Variants in BNC2 observed in about 807,000 individuals in gnomAD.
The protein encoded by BNC2 is zinc finger protein basonuclin-2.
A neutral mutation model predicts 76.3 loss-of-function variants in BNC2; 20 were observed. The observed-to-expected ratio is 0.26, with a 90% CI of 0.18 to 0.38. BNC2 has a LOEUF of 0.38. Among genes scored for constraint, BNC2 ranks in the 10% least tolerant of loss-of-function variants. The pLI is 1.00. For synonymous variants in BNC2, 582 were observed against 514.8 expected (o/e 1.13, Z -1.77); for missense variants, 1,382 against 1,399.8 (o/e 0.99, Z 0.20).
chr9:16,433,877 A>AT (rs1331228888), intron 6 of BNC2, among the ~76,000 whole-genome samples: 1 of 152,164 alleles, frequency 6.6e-6, no homozygotes, highest in Non-Finnish European at 1.5e-5. Flanking sequence ...TGAGTCTTTT[A>AT]TTTTTGTTTA....
At chr9:16,557,431 G>A (rs1197198230) in intron 4 of BNC2, among the ~76,000 whole-genome samples, 4 of 151,900 alleles carry the variant, frequency 2.6e-5, no homozygotes, top group South Asian at 2.1e-4. Context: ...CCCAGGAGGC[G>A]AAGGTTGCAG....
At chr9:16,844,559 G>A (rs1475728369) in intron 1 of BNC2, among the ~76,000 whole-genome samples, 4 of 146,280 alleles carry the variant, frequency 2.7e-5, no homozygotes, top group South Asian at 2.2e-4. Context: ...GTGCAGTGGC[G>A]AGATCTCGGC....
At chr9:16,733,472 T>TA (rs1824573050) in intron 2 of BNC2, among the ~76,000 whole-genome samples, 1 of 151,958 alleles carries the variant, frequency 6.6e-6, no homozygotes, top group Admixed American at 6.6e-5. Context: ...AATTATATCA[T>TA]AATTTAAGCT....
rs754026235 is a variant in BNC2 at position 16,436,254 on chromosome 9, A to G, written c.1940T>C (p.Ile647Thr). The change falls in exon 6 of 7, where the codon ATT becomes ACT. Residue 647 changes from isoleucine (I) to threonine (T), a missense_variant. Coordinates refer to ENST00000380672, the MANE Select transcript of BNC2 (RefSeq NM_017637.6). The part of the protein sequence containing the change: ...SMPVKIEKEI[I>T]DTADEFDDED... Reference sequence around the variant, plus strand: ...ATCATCAAACTCATCGGCGGTATCAATAATTTCCTTCTCAATCTTCACAGG... The same window carrying G: ...ATCATCAAACTCATCGGCGGTATCAGTAATTTCCTTCTCAATCTTCACAGG... 2.1e-5 allele frequency: 34 copies of G among 1,614,038 alleles called. No homozygotes were observed. Among genetic ancestry groups the G allele is most frequent in the Non-Finnish European group, 2.6e-5 (31 of 1,180,038 alleles).
intron 1 of BNC2, among the ~76,000 whole-genome samples, chr9:16,862,377 TTA>T (rs1819432125): frequency 2.0e-5 from 3 of 152,226 alleles, no homozygotes; most frequent in African/African-American, 7.2e-5. Flanking sequence ...ACTGCTATGA[TTA>T]TATAGTGTTA....
intron 1 of BNC2, among the ~76,000 whole-genome samples, chr9:16,861,523 T>C (rs1392173179): frequency 6.6e-6 from 1 of 152,022 alleles, no homozygotes. Flanking sequence ...GAGACATGTC[T>C]CTGTTTTCCA....
chr9:16,665,354 G>A (rs1563887683), intron 3 of BNC2, among the ~76,000 whole-genome samples: 1 of 114,934 alleles, frequency 8.7e-6, no homozygotes, highest in Non-Finnish European at 1.7e-5. Flanking sequence ...TGGGCAATAA[G>A]AGTGAACCTC....
chr9:16,719,967 T>C (rs1033117436), intron 3 of BNC2, among the ~76,000 whole-genome samples: 1 of 152,158 alleles, frequency 6.6e-6, no homozygotes, highest in Admixed American at 6.6e-5. Context: ...AGTCCAAGAA[T>C]TAGGTTTTTA....
At chr9:16,747,400 G>A (rs554472311) in intron 1 of BNC2, among the ~76,000 whole-genome samples, 1 of 152,170 alleles carries the variant, frequency 6.6e-6, no homozygotes, top group Non-Finnish European at 1.5e-5. Context: ...AATCATTCTG[G>A]AAGGGCACAG....
intron 1 of BNC2, among the ~76,000 whole-genome samples, chr9:16,858,189 CCTTTT>C (rs961934724): frequency 2.1e-4 from 32 of 152,216 alleles, no homozygotes; most frequent in Admixed American, 1.9e-3. Flanking sequence ...TTCCCCCTTT[CCTTTT>C]GAGGTATTTA....
At chr9:16,726,254 A>T (rs1037953418) in intron 3 of BNC2, among the ~76,000 whole-genome samples, 1 of 152,176 alleles carries the variant, frequency 6.6e-6, no homozygotes, top group Non-Finnish European at 1.5e-5. Flanking sequence ...AGAGTTACTT[A>T]TTGGGTTGAT....
At chr9:16,459,744 C>G (rs1158858708) in intron 5 of BNC2, among the ~76,000 whole-genome samples, 1 of 152,080 alleles carries the variant, frequency 6.6e-6, no homozygotes, top group Non-Finnish European at 1.5e-5. Context: ...CAATTAATCA[C>G]AAGTTAGTCT....
At position 16,460,420 on chromosome 9, in the gene BNC2, C is replaced by T. The variant is rs545000907; in HGVS notation, c.670-22896G>A. The stretch of plus-strand genomic sequence containing the variant: ...GGTGGATTGCTTGAGGCCAGCAGTT[C>T]GAGACCAGCCTGGCCAACATGGTGA... On this transcript the variant is annotated intron_variant, in intron 5 of 6. Coordinates refer to ENST00000380672, the MANE Select transcript of BNC2 (RefSeq NM_017637.6). 1.5e-3 allele frequency among the ~76,000 whole-genome samples: 233 copies of T among 152,084 alleles called. 1 individual carries two copies. Among genetic ancestry groups the T allele is most frequent in the African/African-American group, 5.1e-3 (213 of 41,494 alleles).
At chr9:16,683,098 C>G (rs753917722) in intron 3 of BNC2, among the ~76,000 whole-genome samples, 15 of 152,122 alleles carry the variant, frequency 9.9e-5, no homozygotes, top group Non-Finnish European at 1.9e-4. Flanking sequence ...TTAACACAAA[C>G]CACAGCAGAA....
intron 4 of BNC2, among the ~76,000 whole-genome samples, chr9:16,581,692 G>C (rs971360218): frequency 6.6e-6 from 1 of 152,176 alleles, no homozygotes; most frequent in Non-Finnish European, 1.5e-5. Flanking sequence ...GGCAGCCCTA[G>C]CAAACTAATA....
chr9:16,511,181 C>T (rs544052395), intron 5 of BNC2, among the ~76,000 whole-genome samples: 1 of 148,980 alleles, frequency 6.7e-6, no homozygotes, highest in Non-Finnish European at 1.5e-5. Context: ...GCGATCATAC[C>T]TCACTACAGC....
intron 4 of BNC2, among the ~76,000 whole-genome samples, chr9:16,570,874 T>G (rs914679836): frequency 1.3e-5 from 2 of 152,172 alleles, no homozygotes; most frequent in African/African-American, 4.8e-5. Context: ...AGAAAAGAAG[T>G]GACATCTGAA....
intron 3 of BNC2, among the ~76,000 whole-genome samples, chr9:16,695,149 A>T (rs942998662): frequency 1.3e-5 from 2 of 152,330 alleles, no homozygotes; most frequent in Admixed American, 6.5e-5. Context: ...AGCTTAGTGG[A>T]CAACAGAATG....
intron 1 of BNC2, among the ~76,000 whole-genome samples, chr9:16,761,410 C>A (rs974141927): frequency 6.6e-6 from 1 of 152,172 alleles, no homozygotes; most frequent in Admixed American, 6.5e-5. Context: ...AGCAAACATA[C>A]GTCTCTGATT....
Sources: gnomAD v4.1 joint callset for allele counts (sites outside exome capture counted in the v4.1 genomes callset) on GRCh38, gnomAD v4.1.1 for gene constraint, MANE v1.5 for transcripts, NCBI Gene and HGNC (gene_info 2026-07-23, HGNC 2026-07-21) for gene names.